The following CPPED1 variants were observed in gnomAD, a reference collection of about 807,000 sequenced individuals.
The protein encoded by CPPED1 is calcineurin like phosphoesterase domain containing 1.
CPPED1 carries 28 observed loss-of-function variants against 28.0 expected under a neutral mutation model. The observed-to-expected ratio is 1.00, with a 90% CI of 0.74 to 1.37. CPPED1 has a LOEUF of 1.37. Among genes scored for constraint, CPPED1 ranks in the 40% most tolerant of loss-of-function variants. CPPED1 has a pLI of 0.00. For synonymous variants in CPPED1, 198 were observed against 180.2 expected, an observed-to-expected ratio of 1.10 and a Z score of -0.79; for missense variants, 504 against 416.5, an observed-to-expected ratio of 1.21 and a Z score of -1.83.
intron 2 of CPPED1, among the ~76,000 whole-genome samples, chr16:12,751,512 T>C (rs927633011): frequency 6.6e-6 from 1 of 152,200 alleles, no homozygotes. Context: ...AGAATACAGA[T>C]GTGATGGCTG....
chr16:12,723,160 T>C (rs1349454118), intron 2 of CPPED1, among the ~76,000 whole-genome samples: 2 of 152,190 alleles, frequency 1.3e-5, no homozygotes, highest in Non-Finnish European at 2.9e-5. Flanking sequence ...TGCACACATA[T>C]AGTGCACACA....
chr16:12,781,153 G>C (rs2080528111), intron 2 of CPPED1, 32 bp downstream of exon 2: 4 of 1,588,002 alleles, frequency 2.5e-6, no homozygotes, highest in Non-Finnish European at 3.4e-6. Flanking sequence ...GGCTGAAGGA[G>C]AAAAGGTCAC....
intron 2 of CPPED1, among the ~76,000 whole-genome samples, chr16:12,760,103 A>C (rs1254016956): frequency 6.6e-6 from 1 of 152,244 alleles, no homozygotes; most frequent in Non-Finnish European, 1.5e-5. Flanking sequence ...ATGTTTCAAA[A>C]AGCAGAACTT....
chr16:12,732,475 AACACACAC>A (rs199927875), intron 2 of CPPED1, among the ~76,000 whole-genome samples: 23,087 of 142,290 alleles, frequency 0.16, 1,904 homozygotes, highest in East Asian at 0.22. Context: ...CAAACACACA[AACACACAC>A]ACACACAGAT....
intron 1 of CPPED1, among the ~76,000 whole-genome samples, chr16:12,794,750 T>C (rs929637337): frequency 6.6e-6 from 1 of 152,184 alleles, no homozygotes; most frequent in Non-Finnish European, 1.5e-5. Flanking sequence ...ATGCTCAACC[T>C]GTACAAAGGT....
intron 3 of CPPED1, among the ~76,000 whole-genome samples, chr16:12,697,365 A>AC (rs2079997009): frequency 9.5e-6 from 1 of 105,130 alleles, no homozygotes; most frequent in African/African-American, 4.3e-5. Flanking sequence ...TGCACCATGG[A>AC]CCCTCTTGTC....
chr16:12,791,934 C>T (rs984597378), intron 1 of CPPED1, among the ~76,000 whole-genome samples: 3 of 151,972 alleles, frequency 2.0e-5, no homozygotes, highest in African/African-American at 7.3e-5. Context: ...CCTAAAGGGG[C>T]CCAAAGTTCT....
At chr16:12,704,368 C>T (rs866089377) in intron 3 of CPPED1, among the ~76,000 whole-genome samples, 1 of 152,130 alleles carries the variant, frequency 6.6e-6, no homozygotes, top group Non-Finnish European at 1.5e-5. Context: ...GTCTTGGAGG[C>T]CTTTCTCATT....
chr16:12,706,252 T>C (rs2080049750), intron 2 of CPPED1, among the ~76,000 whole-genome samples: 1 of 151,878 alleles, frequency 6.6e-6, no homozygotes, highest in African/African-American at 2.4e-5. Flanking sequence ...ATGGATAAAA[T>C]GTCCCCCAAG....
At chr16:12,703,012 C>CA (rs11385568) in intron 3 of CPPED1, among the ~76,000 whole-genome samples, 75,939 of 121,858 alleles carry the variant, frequency 0.62, 21,525 homozygotes, top group Admixed American at 0.68. Context: ...GACTCCGTCT[C>CA]AAAAAAAAAA....
chr16:12,754,755 T>A (rs1001580810), intron 2 of CPPED1, among the ~76,000 whole-genome samples: 5 of 152,136 alleles, frequency 3.3e-5, no homozygotes, highest in Non-Finnish European at 7.4e-5. Flanking sequence ...TCCCAGCACT[T>A]TGGGAGGCCA....
At chr16:12,754,232 G>A (rs2080350222) in intron 2 of CPPED1, among the ~76,000 whole-genome samples, 1 of 152,114 alleles carries the variant, frequency 6.6e-6, no homozygotes, top group Non-Finnish European at 1.5e-5. Flanking sequence ...AAATAATATT[G>A]ATTTTAAAAC....
rs1255810416 is a variant in CPPED1, at chr16:12,664,993, C to A, written c.838G>T (p.Val280Phe). Residue 280 changes from valine (V) to phenylalanine (F), a missense_variant, in exon 4 of 4, where the codon GTC (valine) becomes TTC (phenylalanine). Val to Phe is a conservative substitution (Grantham distance 50). Transcript: ENST00000381774. The surrounding 1 kb of genome is among the most constrained non-coding windows in gnomAD (Gnocchi z 4.2). Reference sequence around the variant, plus strand: ...ATTTTCTCGGCGGTGACCACCACGACTCGGAGCCCGTGGGGGTCTCTGCCC... The same window carrying A: ...ATTTTCTCGGCGGTGACCACCACGAATCGGAGCCCGTGGGGGTCTCTGCCC... ...QLGRDPHGLR[V>F]VVVTAEKIVH... 1.2e-6 allele frequency: 2 copies of A among 1,611,830 alleles called. No homozygotes were observed. Among genetic ancestry groups the A allele is most frequent in the Admixed American group, 3.4e-5 (2 of 59,244 alleles).
intron 2 of CPPED1, among the ~76,000 whole-genome samples, chr16:12,763,084 TA>T (rs889546805): frequency 1.3e-5 from 2 of 151,618 alleles, no homozygotes; most frequent in African/African-American, 4.8e-5. Context: ...ATACAAAAAT[TA>T]GCCGGGTGTG....
At chr16:12,723,806 G>T (rs11075146) in intron 2 of CPPED1, among the ~76,000 whole-genome samples, 78,230 of 151,854 alleles carry the variant, frequency 0.52, 20,552 homozygotes, top group Admixed American at 0.61. Context: ...AGCTGCCATG[G>T]GATAGGACGT....
chr16:12,730,176 T>A (rs2080190163), intron 2 of CPPED1, among the ~76,000 whole-genome samples: 1 of 152,084 alleles, frequency 6.6e-6, no homozygotes, highest in Non-Finnish European at 1.5e-5. Context: ...TTTTTTAAAA[T>A]TTTTTTGGAG....
intron 3 of CPPED1, among the ~76,000 whole-genome samples, chr16:12,703,802 T>C (rs954838808): frequency 6.6e-6 from 1 of 151,974 alleles, no homozygotes; most frequent in African/African-American, 2.4e-5. Context: ...GGAATCTGCC[T>C]AGAACAGACT....
At chr16:12,766,259 AGAGAGAGAGAGAGAGAGG>A (rs1232187881) in intron 2 of CPPED1, among the ~76,000 whole-genome samples, 1 of 135,800 alleles carries the variant, frequency 7.4e-6, no homozygotes, top group Non-Finnish European at 1.5e-5. Flanking sequence ...ATATATATAG[AGAGAGAGAGAGAGAGAGG>A]GAGAGAGAGA....
chr16:12,768,638 G>A (rs2080452641), intron 2 of CPPED1, among the ~76,000 whole-genome samples: 1 of 152,314 alleles, frequency 6.6e-6, no homozygotes. Flanking sequence ...GGGCCATGGG[G>A]ATCTGGGGTT....
Sources: allele counts gnomAD v4.1 joint callset (sites outside exome capture counted in the v4.1 genomes callset), GRCh38; gene constraint gnomAD v4.1.1; non-coding constraint Gnocchi (gnomAD v3.1); transcripts MANE v1.5; gene names NCBI Gene and HGNC (gene_info 2026-07-23, HGNC 2026-07-21).